The following B3GALT1 variants were observed in gnomAD, a reference collection of about 807,000 sequenced individuals.
The protein encoded by B3GALT1 is beta-1,3-galactosyltransferase 1.
Under a neutral mutation model 23.2 loss-of-function variants are expected in B3GALT1, and 10 were observed. The observed-to-expected ratio is 0.43, with a 90% confidence interval of 0.27 to 0.73. The LOEUF (loss-of-function observed/expected upper bound fraction) is 0.73, where lower values mean the gene tolerates loss of function less well. B3GALT1 is among the 30% of genes least tolerant of loss of function. B3GALT1 has a pLI of 0.21. For synonymous variants in B3GALT1, 156 were observed against 141.5 expected, an observed-to-expected ratio of 1.10 and a Z score of -0.73; for missense variants, 299 against 405.4, an observed-to-expected ratio of 0.74 and a Z score of 2.25.
In B3GALT1 at chr2:167,845,459, T is replaced by C. The variant is rs536409218; in HGVS notation, c.-229-23352T>C. Reference sequence around the variant, plus strand: ...CACCCAGTACCAGCCTGTAGTCAGGTAGACTTACTTACGGAGTGGCTAGAC... The same window carrying C: ...CACCCAGTACCAGCCTGTAGTCAGGCAGACTTACTTACGGAGTGGCTAGAC... On this transcript the variant is annotated intron_variant, in intron 4 of 4. Transcript: ENST00000392690. Among the ~76,000 whole-genome samples the C allele has an allele frequency of 5.3e-5, 8 of 152,260 alleles. No individual in the cohort carries two copies. The South Asian group carries it at 1.7e-3, about 32-fold the overall frequency.
intron 1 of B3GALT1, among the ~76,000 whole-genome samples, chr2:167,347,678 A>T (rs1427154374): frequency 1.3e-5 from 2 of 152,224 alleles, no homozygotes; most frequent in Non-Finnish European, 1.5e-5. Context: ...GTGTCAGTAT[A>T]TAAAGTGTAG....
intron 2 of B3GALT1, among the ~76,000 whole-genome samples, chr2:167,602,138 T>A (rs1269863231): frequency 6.6e-6 from 1 of 152,150 alleles, no homozygotes; most frequent in Admixed American, 6.5e-5. Context: ...TTTTTTAAAT[T>A]CCAGACTGAC....
intron 3 of B3GALT1, among the ~76,000 whole-genome samples, chr2:167,808,634 A>G (rs1274870651): frequency 6.6e-6 from 1 of 151,566 alleles, no homozygotes; most frequent in African/African-American, 2.4e-5. Flanking sequence ...TGGCTTGTAG[A>G]GTTTCTGCAG....
At chr2:167,474,169 T>A (rs1301366376) in intron 1 of B3GALT1, among the ~76,000 whole-genome samples, 1 of 152,176 alleles carries the variant, frequency 6.6e-6, no homozygotes, top group Non-Finnish European at 1.5e-5. Flanking sequence ...TATGGATAAT[T>A]TCTAATCAGT....
chr2:167,431,736 A>T (rs1698707880), intron 1 of B3GALT1, among the ~76,000 whole-genome samples: 1 of 152,242 alleles, frequency 6.6e-6, no homozygotes. Context: ...GGATGGGCAA[A>T]GCATCCTGCT....
intron 3 of B3GALT1, among the ~76,000 whole-genome samples, chr2:167,746,607 T>C (rs980791712): frequency 6.6e-6 from 1 of 152,238 alleles, no homozygotes; most frequent in African/African-American, 2.4e-5. Context: ...GGAGCCGCTG[T>C]CCCACTCTTC....
At chr2:167,535,168 A>C (rs1683395080) in intron 2 of B3GALT1, among the ~76,000 whole-genome samples, 1 of 152,222 alleles carries the variant, frequency 6.6e-6, no homozygotes, top group Non-Finnish European at 1.5e-5. Flanking sequence ...ATTAGAAAGT[A>C]TAAAGAATAA....
chr2:167,333,731 A>G (rs997692860), intron 1 of B3GALT1, among the ~76,000 whole-genome samples: 1 of 152,190 alleles, frequency 6.6e-6, no homozygotes. Context: ...GCATTAGATG[A>G]CACTTAGAGA....
chr2:167,339,749 G>A (rs147732922), intron 1 of B3GALT1, among the ~76,000 whole-genome samples: 2 of 152,120 alleles, frequency 1.3e-5, no homozygotes, highest in African/African-American at 4.8e-5. Flanking sequence ...TCACAGTAGG[G>A]TAAGCCTTAA....
At chr2:167,393,997 T>C (rs1197852611) in intron 1 of B3GALT1, among the ~76,000 whole-genome samples, 2 of 152,226 alleles carry the variant, frequency 1.3e-5, no homozygotes, top group East Asian at 3.8e-4. Context: ...ATGGCTCACA[T>C]TGCAGAAACG....
At chr2:167,494,172 A>C (rs1363605301) in intron 2 of B3GALT1, among the ~76,000 whole-genome samples, 1 of 152,142 alleles carries the variant, frequency 6.6e-6, no homozygotes, top group Admixed American at 6.5e-5. Flanking sequence ...ACTAGCAAAA[A>C]ATTGTGTCTA....
chr2:167,817,647 C>A (rs933025752), intron 3 of B3GALT1, among the ~76,000 whole-genome samples: 86 of 152,272 alleles, frequency 5.6e-4, no homozygotes, highest in African/African-American at 2.0e-3. Context: ...TCACATGGGG[C>A]CACACTGCTG....
intron 2 of B3GALT1, among the ~76,000 whole-genome samples, chr2:167,585,199 A>C (rs11686950): frequency 0.18 from 26,708 of 152,184 alleles, 2,417 homozygotes; most frequent in Non-Finnish European, 0.19. Flanking sequence ...TGAATTTTAC[A>C]ATTATCACAG....
intron 1 of B3GALT1, among the ~76,000 whole-genome samples, chr2:167,309,059 C>T (rs1452969287): frequency 6.6e-6 from 1 of 151,946 alleles, no homozygotes; most frequent in Non-Finnish European, 1.5e-5. Context: ...GAGTCTCAAA[C>T]GAGTTCTTTT....
intron 3 of B3GALT1, among the ~76,000 whole-genome samples, chr2:167,708,279 G>C (rs1686994503): frequency 6.6e-6 from 1 of 152,214 alleles, no homozygotes; most frequent in Non-Finnish European, 1.5e-5. Context: ...TTACACTTTA[G>C]ACATTCTGAT....
At chr2:167,452,848 G>C (rs1028838157) in intron 1 of B3GALT1, among the ~76,000 whole-genome samples, 2 of 152,162 alleles carry the variant, frequency 1.3e-5, no homozygotes, top group African/African-American at 4.8e-5. Flanking sequence ...ATATAACTCT[G>C]GTTCTTAACC....
At chr2:167,437,529 TA>T (rs895991653) in intron 1 of B3GALT1, among the ~76,000 whole-genome samples, 56 of 152,158 alleles carry the variant, frequency 3.7e-4, no homozygotes, top group Admixed American at 1.3e-3. Context: ...AAACACCATG[TA>T]ATTTTCTCAG....
At chr2:167,714,561 G>T (rs1466500137) in intron 3 of B3GALT1, 2 of 1,613,224 alleles carry the variant, frequency 1.2e-6, no homozygotes, top group Non-Finnish European at 1.7e-6. Context: ...AGTGCATTAG[G>T]ATCTTTTTCT....
At chr2:167,579,747 C>T (rs1365259051) in intron 2 of B3GALT1, among the ~76,000 whole-genome samples, 1 of 151,988 alleles carries the variant, frequency 6.6e-6, no homozygotes, top group Non-Finnish European at 1.5e-5. Flanking sequence ...CTCATTTTAG[C>T]AAAATTGTTG....
Sources: allele counts gnomAD v4.1 joint callset (sites outside exome capture counted in the v4.1 genomes callset), GRCh38; gene constraint gnomAD v4.1.1; transcripts MANE v1.5; gene names NCBI Gene and HGNC (gene_info 2026-07-23, HGNC 2026-07-21).